Variants in NBEA observed in about 807,000 individuals in gnomAD.
NBEA encodes lysosomal-trafficking regulator 2.
A neutral mutation model predicts 343.4 loss-of-function variants in NBEA; 44 were observed. The observed-to-expected ratio is 0.13, with a 90% CI of 0.10 to 0.16. The LOEUF is 0.16. Among genes scored for constraint, NBEA ranks in the 10% least tolerant of loss-of-function variants. The pLI, the probability that NBEA is intolerant of heterozygous loss-of-function variation, is 1.00. For synonymous variants in NBEA, 1,175 were observed against 1,238.7 expected (o/e 0.95, Z 1.08); for missense variants, 2,555 against 3,631.3 (o/e 0.70, Z 7.62).
chr13:35,533,491 T>G (rs1421641375), intron 41 of NBEA, among the ~76,000 whole-genome samples: 1 of 152,168 alleles, frequency 6.6e-6, no homozygotes, highest in Admixed American at 6.5e-5. Context: ...TAATTTCTCA[T>G]TCCTCAATGG....
intron 16 of NBEA, among the ~76,000 whole-genome samples, chr13:35,121,448 C>T (rs1259733378): frequency 1.5e-4 from 22 of 151,214 alleles, no homozygotes; most frequent in Admixed American, 1.5e-3. Context: ...ACTATTTTTG[C>T]TGTTTAGTGT....
intron 1 of NBEA, among the ~76,000 whole-genome samples, chr13:34,947,793 G>A (rs563218576): frequency 1.3e-5 from 2 of 152,110 alleles, no homozygotes; most frequent in South Asian, 4.2e-4. Flanking sequence ...TCAACATTAC[G>A]GTCCAGACTT....
intron 33 of NBEA, among the ~76,000 whole-genome samples, chr13:35,228,245 G>A (rs2074771862): frequency 6.6e-6 from 1 of 152,036 alleles, no homozygotes; most frequent in African/African-American, 2.4e-5. Flanking sequence ...AATCATTGGA[G>A]CTATAGAATT....
At chr13:35,200,644 T>C (rs961811984) in intron 31 of NBEA, among the ~76,000 whole-genome samples, 3 of 151,956 alleles carry the variant, frequency 2.0e-5, no homozygotes, top group African/African-American at 7.2e-5. Flanking sequence ...TTCAAATTAC[T>C]GGGTTTGATA....
intron 41 of NBEA, among the ~76,000 whole-genome samples, chr13:35,513,325 T>C (rs1340778305): frequency 6.9e-6 from 1 of 145,408 alleles, no homozygotes; most frequent in East Asian, 2.0e-4. Context: ...TTTTTTTTTT[T>C]TTTTTAGTAG....
At chr13:35,562,368 T>C (rs1210684177) in intron 44 of NBEA, among the ~76,000 whole-genome samples, 1 of 152,156 alleles carries the variant, frequency 6.6e-6, no homozygotes, top group Non-Finnish European at 1.5e-5. Flanking sequence ...TATACCTTGT[T>C]AGATAATATT....
rs775311064 is a variant in NBEA at position 35,157,187 on chromosome 13, C to T, written c.2761C>T (p.Arg921Trp). The change falls in exon 21 of 59, where the codon CGG becomes TGG. Residue 921 changes from arginine to tryptophan, a missense_variant. This residue lies in a region of NBEA where 360 missense variants were observed against 519.1 expected (regional missense o/e 0.69). Coordinates refer to ENST00000379939, the MANE Select transcript of NBEA (RefSeq NM_001385012.1). ...KITEMVYNIF[R>W]ILLYHAIKYE... ...TACCGAAATGGTCTACAATATCTTC[C>T]GGATTCTTTTGTATCATGCAATAAA... The T allele has an allele frequency of 6.2e-6, 10 of 1,609,900 alleles. No individual in the cohort carries two copies. Among genetic ancestry groups the T allele is most frequent in the Admixed American group, 3.4e-5 (2 of 59,600 alleles).
chr13:34,976,071 A>C (rs1255211838), intron 1 of NBEA, among the ~76,000 whole-genome samples: 1 of 152,176 alleles, frequency 6.6e-6, no homozygotes, highest in Admixed American at 6.5e-5. Context: ...TCCCACTACT[A>C]CGTATCTACC....
chr13:35,633,101 A>AT (rs2083532262), intron 49 of NBEA, among the ~76,000 whole-genome samples: 1 of 151,102 alleles, frequency 6.6e-6, no homozygotes, highest in Non-Finnish European at 1.5e-5. Context: ...TCATTAAATA[A>AT]TTTTTTGTTT....
At chr13:35,456,728 C>A (rs897525941) in intron 40 of NBEA, among the ~76,000 whole-genome samples, 1 of 151,886 alleles carries the variant, frequency 6.6e-6, no homozygotes, top group Non-Finnish European at 1.5e-5. Flanking sequence ...AAACGTATTT[C>A]ATTTCTTTTA....
intron 38 of NBEA, among the ~76,000 whole-genome samples, chr13:35,422,880 G>T (rs1483785484): frequency 2.0e-5 from 3 of 152,142 alleles, no homozygotes; most frequent in Non-Finnish European, 4.4e-5. Context: ...GTTTTGATTT[G>T]CATTTCTCTG....
chr13:35,622,722 T>C (rs2083048253), intron 48 of NBEA, among the ~76,000 whole-genome samples: 1 of 152,132 alleles, frequency 6.6e-6, no homozygotes, highest in African/African-American at 2.4e-5. Flanking sequence ...AATTTTTTAA[T>C]CTCAAAAGCA....
At chr13:35,566,799 TA>T (rs774126690) in intron 44 of NBEA, 105 bp from the exon 45 acceptor site, 4 of 621,330 alleles carry the variant, frequency 6.4e-6, no homozygotes, top group South Asian at 6.3e-5. Context: ...GTTCAATAAA[TA>T]AAAAGTTATT....
At chr13:35,655,513 A>G in intron 54 of NBEA, 66 bp from the exon 55 acceptor site, 6 of 1,458,682 alleles carry the variant, frequency 4.1e-6, no homozygotes, top group Non-Finnish European at 5.6e-6. Flanking sequence ...AATCTGATAA[A>G]GTTACACTTA....
intron 6 of NBEA, among the ~76,000 whole-genome samples, chr13:35,050,909 C>T (rs1046401461): frequency 2.0e-5 from 3 of 151,848 alleles, no homozygotes; most frequent in Admixed American, 1.3e-4. Flanking sequence ...AGTTTTGGCT[C>T]ATGAAATGTA....
At chr13:35,562,377 T>C (rs1241666708) in intron 44 of NBEA, among the ~76,000 whole-genome samples, 1 of 152,118 alleles carries the variant, frequency 6.6e-6, no homozygotes, top group Non-Finnish European at 1.5e-5. Context: ...TTAGATAATA[T>C]TATGCAAAAG....
chr13:35,291,775 A>G (rs2035814814), intron 35 of NBEA, among the ~76,000 whole-genome samples: 1 of 151,848 alleles, frequency 6.6e-6, no homozygotes. Flanking sequence ...AACATTACTC[A>G]TTTGCTGGCT....
intron 6 of NBEA, among the ~76,000 whole-genome samples, chr13:35,054,334 C>T (rs191739441): frequency 2.6e-5 from 4 of 152,090 alleles, no homozygotes; most frequent in African/African-American, 4.8e-5. Flanking sequence ...ATTTATTTGA[C>T]ACTCTTTTTA....
intron 34 of NBEA, among the ~76,000 whole-genome samples, chr13:35,249,516 A>C (rs1407782110): frequency 6.6e-6 from 1 of 151,552 alleles, no homozygotes; most frequent in Non-Finnish European, 1.5e-5. Context: ...TATACCCATT[A>C]AGCACAAGAA....
Sources: gnomAD v4.1 joint callset for allele counts (sites outside exome capture counted in the v4.1 genomes callset) on GRCh38, gnomAD v4.1.1 for gene constraint, gnomAD v4.1.1 regional missense constraint, MANE v1.5 for transcripts, NCBI Gene and HGNC (gene_info 2026-07-23, HGNC 2026-07-21) for gene names.